The following CMTM4 variants were observed in gnomAD, a reference collection of about 807,000 sequenced individuals.
CMTM4 encodes CKLF like MARVEL transmembrane domain containing 4.
Under a neutral mutation model 19.0 loss-of-function variants are expected in CMTM4, and 8 were observed. The ratio of observed to expected loss-of-function variants is 0.42; its 90% CI spans 0.25 to 0.76. The LOEUF is 0.76. Ranked by LOEUF, CMTM4 falls within the 30% of genes least tolerant of loss-of-function variation. CMTM4 has a pLI of 0.27. For synonymous variants in CMTM4, 106 were observed against 121.1 expected, an observed-to-expected ratio of 0.88 and a Z score of 0.82; for missense variants, 228 against 290.2, an observed-to-expected ratio of 0.79 and a Z score of 1.56.
At chr16:66,611,848 G>A (rs1014288150), downstream of CMTM4, among the ~76,000 whole-genome samples, 2 of 152,140 alleles carry the variant, frequency 1.3e-5, no homozygotes, top group Non-Finnish European at 2.9e-5. Context: ...GATTGGGGGA[G>A]GGGGATTGAA....
chr16:66,686,885 T>C (rs1037413721), intron 1 of CMTM4, among the ~76,000 whole-genome samples: 1 of 152,206 alleles, frequency 6.6e-6, no homozygotes, highest in Non-Finnish European at 1.5e-5. Flanking sequence ...CGCATCTTCC[T>C]AATAGCAAAA....
chr16:66,651,558 C>T (rs977136279), intron 1 of CMTM4, among the ~76,000 whole-genome samples: 1 of 152,164 alleles, frequency 6.6e-6, no homozygotes, highest in Non-Finnish European at 1.5e-5. Flanking sequence ...AGTTCCTCCC[C>T]TACCTCATTC....
At chr16:66,678,863 T>G (rs916776585) in intron 1 of CMTM4, among the ~76,000 whole-genome samples, 1 of 152,130 alleles carries the variant, frequency 6.6e-6, no homozygotes, top group African/African-American at 2.4e-5. Context: ...TCCCAGCACT[T>G]TGAGAGGCTG....
the CMTM4 span, among the ~76,000 whole-genome samples, chr16:66,602,580 G>GGCTGGAGTGCA: frequency 6.6e-6 from 1 of 151,938 alleles, no homozygotes; most frequent in East Asian, 2.0e-4. Flanking sequence ...CTGCCGCCCA[G>GGCTGGAGTGCA]GCTGGAGTGC....
At chr16:66,648,393 T>C (rs165057) in intron 1 of CMTM4, among the ~76,000 whole-genome samples, 7,434 of 152,294 alleles carry the variant, frequency 0.049, 295 homozygotes, top group East Asian at 0.11. Context: ...TCATCATTAA[T>C]ATCTTAAGAA....
Position 66,636,520 on chromosome 16 carries a change from C to T in CMTM4, c.248G>A (p.Gly83Asp), listed in dbSNP as rs1268546730. The T allele has an allele frequency of 3.1e-6, 5 of 1,613,986 alleles. No homozygotes were observed. Among genetic ancestry groups the T allele is most frequent in the Non-Finnish European group, 4.2e-6 (5 of 1,180,016 alleles). ...ETIMACSPCE[G>D]LYFFEFVSCS... ...GCTCACAAACTCAAAAAAGTAGAGG[C>T]CTTCACACGGGGAGCATGCCATGAT... The change falls in exon 2 of 4, where the codon GGC becomes GAC. Residue 83 changes from glycine to aspartate, a missense_variant. Around this residue, in one of 3 missense-constraint regions of CMTM4, gnomAD observed 200 missense variants for 226.6 expected, o/e 0.88. Coordinates refer to ENST00000394106, the MANE Select transcript of CMTM4 (RefSeq NM_181521.3).
chr16:66,690,844 C>T (rs545108738), intron 1 of CMTM4, among the ~76,000 whole-genome samples: 4 of 152,292 alleles, frequency 2.6e-5, no homozygotes, highest in East Asian at 3.9e-4. Context: ...CAGTGGCTCA[C>T]ACCTGTAATC....
At chr16:66,634,521 C>G (rs1322933012) in intron 2 of CMTM4, among the ~76,000 whole-genome samples, 1 of 151,782 alleles carries the variant, frequency 6.6e-6, no homozygotes, top group Non-Finnish European at 1.5e-5. Context: ...AGTAAGAAAT[C>G]TGAAGCATGA....
At chr16:66,633,719 G>C (rs1157530851) in intron 2 of CMTM4, among the ~76,000 whole-genome samples, 1 of 151,632 alleles carries the variant, frequency 6.6e-6, no homozygotes, top group Non-Finnish European at 1.5e-5. Context: ...TCAGGAGGCT[G>C]AGACAGGAAA....
chr16:66,661,966 C>T (rs541640055), intron 1 of CMTM4, among the ~76,000 whole-genome samples: 9 of 151,986 alleles, frequency 5.9e-5, no homozygotes, highest in Non-Finnish European at 1.0e-4. Flanking sequence ...TAAAACATTT[C>T]CTTACTACAA....
chr16:66,696,306 C>T lies in CMTM4; in HGVS notation c.186+34G>A, dbSNP rs924923248. On this transcript the variant is annotated intron_variant, in intron 1 of 3. Transcript: ENST00000394106. The surrounding 1 kb of genome is among the most constrained non-coding windows in gnomAD (Gnocchi z 4.3). Reference sequence around the variant, plus strand: ...GGGAGGGAGGCGTGCGGCTAGGCCGCCCTCGGGCACCTGGGGCCCCGCCCG... The same window carrying T: ...GGGAGGGAGGCGTGCGGCTAGGCCGTCCTCGGGCACCTGGGGCCCCGCCCG... The T allele has an allele frequency of 1.9e-5, 25 of 1,291,444 alleles. 1 individual carries two copies. In the South Asian group the frequency reaches 4.7e-4, roughly 24 times the overall value. 80.0% of individuals were successfully genotyped at this position (1,291,444 alleles called of 1,614,324 possible). A position where few individuals can be genotyped will look rare whatever the true frequency, so the allele number is the denominator to read the frequency against.
At chr16:66,625,659 T>C (rs1705655142) in intron 2 of CMTM4, among the ~76,000 whole-genome samples, 1 of 152,030 alleles carries the variant, frequency 6.6e-6, no homozygotes, top group African/African-American at 2.4e-5. Flanking sequence ...AGAAACCAGA[T>C]TAAACCAGGG....
the CMTM4 span, chr16:66,604,606 A>C: frequency 3.0e-6 from 1 of 338,068 alleles, no homozygotes; most frequent in Non-Finnish European, 4.7e-6. Context: ...CGGGCCCAGC[A>C]TCCCCCGCAG....
At chr16:66,667,345 A>T (rs576237416) in intron 1 of CMTM4, among the ~76,000 whole-genome samples, 3 of 152,232 alleles carry the variant, frequency 2.0e-5, no homozygotes, top group South Asian at 2.1e-4. Context: ...AATAAAATAA[A>T]AAATAAAAAA....
chr16:66,622,236 A>C lies in CMTM4; in HGVS notation c.463-14T>G, dbSNP rs1277768461. 1 of 1,612,808 alleles carries C rather than the reference A, an allele frequency of 6.2e-7. No homozygotes were observed. Among genetic ancestry groups the C allele is most frequent in the East Asian group, 2.2e-5 (1 of 44,874 alleles). On this transcript the variant is annotated splice_polypyrimidine_tract_variant and intron_variant, in intron 3 of 3. Transcript: ENST00000394106. This position sits in a 1 kb window ranked among gnomAD's most constrained non-coding sequence, Gnocchi z 4.0. ...GAAGCCAAATATCTAAAAACACACC[A>C]GCACAGTTAGTCCTCGGGCACGTGG... is the stretch of plus-strand genomic sequence containing the variant.
At chr16:66,642,052 T>C (rs2016105735) in intron 1 of CMTM4, among the ~76,000 whole-genome samples, 1 of 152,220 alleles carries the variant, frequency 6.6e-6, no homozygotes, top group Non-Finnish European at 1.5e-5. Context: ...TGGTTTCTAA[T>C]ACTCTGCTGT....
Position 66,619,297 on chromosome 16 carries a change from T to A in CMTM4, c.*2761A>T. 2.0e-6 allele frequency: 2 copies of A among 985,430 alleles called. No homozygotes were observed. The highest frequency in any genetic ancestry group is 1.2e-6 in the Non-Finnish European group (1 of 829,946). The allele number at this position is 985,430 out of a possible 1,614,324, so 61.0% of individuals were successfully genotyped here. Reference sequence around the variant, plus strand: ...CTGAGGACATCAGTGTTTGCATCCATCTAAAACCACCAGAGGTTCCACCAA... The same window carrying A: ...CTGAGGACATCAGTGTTTGCATCCAACTAAAACCACCAGAGGTTCCACCAA... On this transcript the variant is annotated 3_prime_UTR_variant, in exon 4 of 4. Coordinates refer to ENST00000394106, the MANE Select transcript of CMTM4 (RefSeq NM_181521.3).
intron 1 of CMTM4, among the ~76,000 whole-genome samples, chr16:66,686,546 CAAAAAAAA>C (rs35913878): frequency 1.1e-5 from 1 of 87,244 alleles, no homozygotes; most frequent in South Asian, 4.0e-4. Flanking sequence ...GACTCTGTCT[CAAAAAAAA>C]AAAAAAAAAA....
intron 1 of CMTM4, among the ~76,000 whole-genome samples, chr16:66,680,192 C>T (rs1185182898): frequency 6.6e-6 from 1 of 152,092 alleles, no homozygotes; most frequent in Non-Finnish European, 1.5e-5. Context: ...TAAATCATAA[C>T]TGCCGGCCAG....
Sources: allele counts gnomAD v4.1 joint callset (sites outside exome capture counted in the v4.1 genomes callset), GRCh38; gene constraint gnomAD v4.1.1; regional missense constraint gnomAD v4.1.1; non-coding constraint Gnocchi (gnomAD v3.1); transcripts MANE v1.5; gene names NCBI Gene and HGNC (gene_info 2026-07-23, HGNC 2026-07-21).